The following FMN2 variants were observed in gnomAD, a reference collection of about 807,000 sequenced individuals.
FMN2 encodes formin 2, also known as formin-2.
A neutral mutation model predicts 142.3 loss-of-function variants in FMN2; 51 were observed. The ratio of observed to expected loss-of-function variants is 0.36; its 90% confidence interval spans 0.29 to 0.45. The LOEUF (loss-of-function observed/expected upper bound fraction) is 0.45, where lower values mean the gene tolerates loss of function less well. Ranked by LOEUF, FMN2 falls within the 20% of genes least tolerant of loss-of-function variation. The probability of loss-of-function intolerance (pLI) is 1.00; values close to 1 mark genes in which losing one functional copy is unlikely to be tolerated. For missense variants in FMN2, 1,936 were observed against 2,122.8 expected (o/e 0.91, Z 1.73); for synonymous variants, 882 against 869.8 (o/e 1.01, Z -0.25).
intron 15 of FMN2, among the ~76,000 whole-genome samples, chr1:240,434,749 T>C (rs1572307119): frequency 6.7e-6 from 1 of 150,116 alleles, no homozygotes; most frequent in African/African-American, 2.5e-5. Flanking sequence ...TTTTTTTGTA[T>C]TTTTAGTAGA....
chr1:240,449,257 C>T (rs944125088), intron 16 of FMN2, among the ~76,000 whole-genome samples: 8 of 152,150 alleles, frequency 5.3e-5, no homozygotes, highest in South Asian at 2.1e-4. Flanking sequence ...ACCCTCTCTC[C>T]GGAATCCTTA....
chr1:240,154,846 C>CCTTCCT (rs1558325359), intron 2 of FMN2: 4 of 81,310 alleles, frequency 4.9e-5, no homozygotes, highest in African/African-American at 1.4e-4. Context: ...CCTTCCTTCC[C>CCTTCCT]TCCCTCCCTC....
At chr1:240,255,473 T>C (rs1668423194) in intron 6 of FMN2, among the ~76,000 whole-genome samples, 2 of 152,162 alleles carry the variant, frequency 1.3e-5, no homozygotes. Flanking sequence ...CAGAAATCTT[T>C]TGCATTTATC....
chr1:240,361,164 TATATATATATATATATATATAAAA>T (rs1367388360), intron 14 of FMN2, among the ~76,000 whole-genome samples: 1,139 of 65,724 alleles, frequency 0.017, 11 homozygotes, highest in East Asian at 0.053. Flanking sequence ...TATATATATA[TATATATATATATATATATATAAAA>T]GAGTTTAAAG....
At chr1:240,138,064 C>CA (rs369637580) in intron 2 of FMN2, among the ~76,000 whole-genome samples, 2,762 of 95,046 alleles carry the variant, frequency 0.029, 58 homozygotes, top group African/African-American at 0.066. Flanking sequence ...GACTCCATCT[C>CA]AAAAAAAAAA....
At chr1:240,143,850 A>C in intron 2 of FMN2, 1 of 1,583,330 alleles carries the variant, frequency 6.3e-7, no homozygotes, top group Non-Finnish European at 8.7e-7. Flanking sequence ...TCCATGCTGG[A>C]CTTTGAATCT....
chr1:240,374,459 A>C (rs570100427), intron 14 of FMN2, among the ~76,000 whole-genome samples: 7 of 152,336 alleles, frequency 4.6e-5, no homozygotes, highest in Non-Finnish European at 5.9e-5. Flanking sequence ...CGATTATCTT[A>C]TCTAGATCTT....
At chr1:240,136,348 G>T (rs899498814) in intron 2 of FMN2, among the ~76,000 whole-genome samples, 13 of 152,136 alleles carry the variant, frequency 8.5e-5, no homozygotes, top group African/African-American at 3.1e-4. Flanking sequence ...CAGAGGAAGT[G>T]CTACCAGTCA....
intron 16 of FMN2, among the ~76,000 whole-genome samples, chr1:240,467,985 T>A (rs1366624410): frequency 1.3e-5 from 2 of 152,332 alleles, no homozygotes; most frequent in African/African-American, 4.8e-5. Context: ...AAGTGATGAA[T>A]GAAGTTTCTT....
intron 13 of FMN2, among the ~76,000 whole-genome samples, chr1:240,343,867 G>T (rs1047312925): frequency 6.6e-6 from 1 of 152,142 alleles, no homozygotes; most frequent in African/African-American, 2.4e-5. Context: ...TGGACAAGGG[G>T]TGTGTGTTTG....
intron 13 of FMN2, among the ~76,000 whole-genome samples, chr1:240,353,044 C>T (rs1672147540): frequency 6.6e-6 from 1 of 152,226 alleles, no homozygotes; most frequent in South Asian, 2.1e-4. Context: ...TAACATCTCT[C>T]TCTAACTTCT....
At chr1:240,241,764 A>G (rs533083311) in intron 6 of FMN2, among the ~76,000 whole-genome samples, 1 of 151,164 alleles carries the variant, frequency 6.6e-6, no homozygotes, top group South Asian at 2.1e-4. Context: ...GGGTTGGATC[A>G]TAAGTGTGGC....
chr1:240,368,798 A>G (rs1400391397), intron 14 of FMN2, among the ~76,000 whole-genome samples: 2 of 152,134 alleles, frequency 1.3e-5, no homozygotes, highest in African/African-American at 4.8e-5. Flanking sequence ...CTTTGTAAAC[A>G]AATTAACACA....
chr1:240,126,288 A>G (rs554318526), intron 2 of FMN2, among the ~76,000 whole-genome samples: 4 of 152,114 alleles, frequency 2.6e-5, no homozygotes, highest in African/African-American at 7.2e-5. Context: ...CTAACTAACA[A>G]TCCTCTTGAG....
chr1:240,224,823 CTA>C (rs1336707469), intron 6 of FMN2, among the ~76,000 whole-genome samples: 1 of 152,008 alleles, frequency 6.6e-6, no homozygotes, highest in African/African-American at 2.4e-5. Flanking sequence ...AATTAGAGGT[CTA>C]TATAGTGGGG....
chr1:240,262,154 T>C (rs1452743489), intron 7 of FMN2, among the ~76,000 whole-genome samples: 4 of 151,824 alleles, frequency 2.6e-5, no homozygotes, highest in African/African-American at 9.7e-5. Context: ...TCCCATTTCA[T>C]TGTGGGGTAT....
At chr1:240,145,326 G>A (rs1324747382) in intron 2 of FMN2, 11 of 1,057,732 alleles carry the variant, frequency 1.0e-5, no homozygotes, top group Non-Finnish European at 1.5e-5. Context: ...GCCGCCGCTG[G>A]GGGCTGCTGG....
At chr1:240,463,056 T>G (rs1676497731) in intron 16 of FMN2, among the ~76,000 whole-genome samples, 1 of 152,188 alleles carries the variant, frequency 6.6e-6, no homozygotes, top group South Asian at 2.1e-4. Context: ...TTAGGTGAGT[T>G]GGAGCCAGTC....
chr1:240,193,742 G>C (rs1208428012), intron 4 of FMN2, among the ~76,000 whole-genome samples: 1 of 152,214 alleles, frequency 6.6e-6, no homozygotes, highest in African/African-American at 2.4e-5. Context: ...AGTCTTATCT[G>C]GATTACTGCA....
Sources: allele counts gnomAD v4.1 joint callset (sites outside exome capture counted in the v4.1 genomes callset), GRCh38; gene constraint gnomAD v4.1.1; transcripts MANE v1.5; gene names NCBI Gene and HGNC (gene_info 2026-07-23, HGNC 2026-07-21).